Variants in NELL1 observed in about 807,000 individuals in gnomAD.
NELL1 encodes the protein neural EGFL like 1, also known as protein kinase C-binding protein NELL1.
Under a neutral mutation model 107.4 loss-of-function variants are expected in NELL1, and 76 were observed. The observed-to-expected ratio is 0.71, with a 90% CI of 0.59 to 0.86. NELL1 has a LOEUF of 0.86. Among genes scored for constraint, NELL1 ranks in the 40% least tolerant of loss-of-function variants. NELL1 has a pLI of 0.00. For missense variants in NELL1, 1,024 were observed against 1,005.5 expected (o/e 1.02, Z -0.25); for synonymous variants, 353 against 341.2 (o/e 1.03, Z -0.38).
chr11:21,014,203 G>A (rs1246288140), intron 12 of NELL1, among the ~76,000 whole-genome samples: 1 of 152,032 alleles, frequency 6.6e-6, no homozygotes, highest in Non-Finnish European at 1.5e-5. Context: ...TCTGAGTAGG[G>A]GTGGCCTGCA....
intron 17 of NELL1, among the ~76,000 whole-genome samples, chr11:21,565,464 T>C (rs1291481967): frequency 6.6e-6 from 1 of 151,872 alleles, no homozygotes; most frequent in East Asian, 2.0e-4. Context: ...GAAACTTTGA[T>C]CACTGGCTCT....
intron 12 of NELL1, among the ~76,000 whole-genome samples, chr11:21,018,514 C>T (rs1413583130): frequency 6.6e-6 from 1 of 152,064 alleles, no homozygotes; most frequent in African/African-American, 2.4e-5. Flanking sequence ...TGGTTTTGAT[C>T]ATCCTGATTA....
At chr11:21,197,614 A>T (rs1002953583) in intron 13 of NELL1, among the ~76,000 whole-genome samples, 1 of 152,158 alleles carries the variant, frequency 6.6e-6, no homozygotes, top group Non-Finnish European at 1.5e-5. Context: ...TATTTTGAAT[A>T]CTGCAAAATT....
intron 14 of NELL1, among the ~76,000 whole-genome samples, chr11:21,338,915 G>A (rs1850499047): frequency 6.6e-6 from 1 of 152,140 alleles, no homozygotes; most frequent in Admixed American, 6.5e-5. Context: ...TTGGTTCTAT[G>A]CATTTTTATG....
chr11:20,909,260 A>T (rs1213128214), intron 5 of NELL1, among the ~76,000 whole-genome samples: 1 of 152,214 alleles, frequency 6.6e-6, no homozygotes, highest in African/African-American at 2.4e-5. Context: ...TGATGGTTGC[A>T]TAACACTGTG....
Position 20,813,006 on chromosome 11 carries a change from C to CAAAAAAAAA in NELL1, c.335+29209_335+29217dup, listed in dbSNP as rs869187456. 4.1e-4 allele frequency among the ~76,000 whole-genome samples: 25 copies of CAAAAAAAAA among 61,270 alleles called. 2 individuals are homozygous for CAAAAAAAAA. Among genetic ancestry groups the CAAAAAAAAA allele is most frequent in the African/African-American group, 1.1e-3 (16 of 14,484 alleles). 40.2% of individuals were successfully genotyped at this position (61,270 alleles called of 152,430 possible). A position where few individuals can be genotyped will look rare whatever the true frequency, so the allele number is the denominator to read the frequency against. The stretch of plus-strand genomic sequence containing the variant: ...CCTGGGCGACAGCGAGACTCCGTCT[C>CAAAAAAAAA]AAAAAAAAAAAAAAAAAAAAAAAAA... On this transcript the variant is annotated intron_variant, in intron 3 of 19. Coordinates refer to ENST00000357134, the MANE Select transcript of NELL1 (RefSeq NM_006157.5).
chr11:20,853,947 T>C (rs1848835323), intron 4 of NELL1, among the ~76,000 whole-genome samples: 1 of 152,204 alleles, frequency 6.6e-6, no homozygotes, highest in Non-Finnish European at 1.5e-5. Flanking sequence ...TTGTTGATCC[T>C]GGCAGGGCTT....
chr11:20,733,223 C>T (rs563338364), intron 2 of NELL1, among the ~76,000 whole-genome samples: 1 of 152,176 alleles, frequency 6.6e-6, no homozygotes, highest in Non-Finnish European at 1.5e-5. Flanking sequence ...ATCTGTTGCT[C>T]TGACAGAAGA....
At chr11:21,246,342 C>G (rs981196451) in intron 14 of NELL1, among the ~76,000 whole-genome samples, 1 of 152,064 alleles carries the variant, frequency 6.6e-6, no homozygotes, top group Non-Finnish European at 1.5e-5. Flanking sequence ...CTGAAATTGT[C>G]ATGTGTGTAG....
chr11:21,394,285 G>T (rs1013722318), intron 15 of NELL1, among the ~76,000 whole-genome samples: 7 of 151,526 alleles, frequency 4.6e-5, no homozygotes, highest in African/African-American at 1.7e-4. Context: ...AACCCAGGGA[G>T]CCTGCTTCTA....
intron 12 of NELL1, among the ~76,000 whole-genome samples, chr11:20,964,958 C>T (rs1851360011): frequency 6.6e-6 from 1 of 151,982 alleles, no homozygotes; most frequent in African/African-American, 2.4e-5. Context: ...TTGTATGCCA[C>T]TGACATTGGT....
intron 15 of NELL1, among the ~76,000 whole-genome samples, chr11:21,522,081 A>T (rs1855738799): frequency 6.6e-6 from 1 of 152,114 alleles, no homozygotes; most frequent in Non-Finnish European, 1.5e-5. Flanking sequence ...CCAAAGGAAA[A>T]AAGCCATTAT....
intron 12 of NELL1, among the ~76,000 whole-genome samples, chr11:21,056,234 C>T (rs1477006247): frequency 6.6e-6 from 1 of 152,168 alleles, no homozygotes; most frequent in Non-Finnish European, 1.5e-5. Flanking sequence ...GCTTCTTGGG[C>T]ATTCCCCTCA....
intron 11 of NELL1, among the ~76,000 whole-genome samples, chr11:20,957,026 G>A (rs1396438236): frequency 6.6e-6 from 1 of 152,172 alleles, no homozygotes; most frequent in African/African-American, 2.4e-5. Context: ...TATAGAAAGA[G>A]GGTGATTCCA....
At chr11:20,940,871 C>T (rs1032738479) in intron 10 of NELL1, among the ~76,000 whole-genome samples, 1 of 152,128 alleles carries the variant, frequency 6.6e-6, no homozygotes, top group African/African-American at 2.4e-5. Context: ...GGCGTGGTGG[C>T]TTATGCCTGT....
At chr11:21,358,304 T>A (rs1169426141) in intron 14 of NELL1, among the ~76,000 whole-genome samples, 1 of 152,188 alleles carries the variant, frequency 6.6e-6, no homozygotes, top group Non-Finnish European at 1.5e-5. Context: ...TTTGTTTGTG[T>A]CATCTATAAT....
chr11:21,364,410 C>CAAAAAA (rs71034511), intron 14 of NELL1, among the ~76,000 whole-genome samples: 8 of 75,616 alleles, frequency 1.1e-4, no homozygotes, highest in African/African-American at 5.3e-4. Context: ...GACTCTGTCT[C>CAAAAAA]AAAAAAAAAA....
At chr11:21,229,086 T>TA (rs961336262) in intron 13 of NELL1, among the ~76,000 whole-genome samples, 3 of 152,074 alleles carry the variant, frequency 2.0e-5, no homozygotes, top group Admixed American at 6.6e-5. Context: ...GTGCAGCACT[T>TA]ACCAATTGTG....
intron 2 of NELL1, among the ~76,000 whole-genome samples, chr11:20,782,410 T>C (rs192995607): frequency 1.3e-5 from 2 of 152,252 alleles, no homozygotes; most frequent in African/African-American, 2.4e-5. Context: ...GTGCTGTTCT[T>C]TTCTGTGTTA....
Sources: allele counts gnomAD v4.1 joint callset (sites outside exome capture counted in the v4.1 genomes callset), GRCh38; gene constraint gnomAD v4.1.1; transcripts MANE v1.5; gene names NCBI Gene and HGNC (gene_info 2026-07-23, HGNC 2026-07-21).